Variants in PNLIPRP3 observed in about 807,000 individuals in gnomAD.
The protein encoded by PNLIPRP3 is pancreatic lipase-related protein 3.
In PNLIPRP3, 58 loss-of-function variants were observed where a neutral mutation model predicts 52.8. The ratio of observed to expected loss-of-function variants is 1.10; its 90% CI spans 0.89 to 1.37. The LOEUF (loss-of-function observed/expected upper bound fraction) is 1.37. Among genes scored for constraint, PNLIPRP3 ranks in the 40% most tolerant of loss-of-function variants. The probability of loss-of-function intolerance (pLI) is 0.00; values close to 1 mark genes in which losing one functional copy is unlikely to be tolerated. For synonymous variants in PNLIPRP3, 192 were observed against 185.0 expected (o/e 1.04, Z -0.31); for missense variants, 593 against 561.6 (o/e 1.06, Z -0.57).
At chr10:116,463,893 G>C (rs1846236654) in intron 7 of PNLIPRP3, among the ~76,000 whole-genome samples, 1 of 152,150 alleles carries the variant, frequency 6.6e-6, no homozygotes, top group Non-Finnish European at 1.5e-5. Flanking sequence ...CCAGCACTTT[G>C]AGAGGCTGAG....
chr10:116,439,898 TC>T, intron 2 of PNLIPRP3: 1 of 822,124 alleles, frequency 1.2e-6, no homozygotes, highest in Non-Finnish European at 2.2e-6. Flanking sequence ...GACATTATCT[TC>T]CACCTCTCAG....
chr10:116,438,492 A>C (rs1845809495), intron 2 of PNLIPRP3, among the ~76,000 whole-genome samples: 1 of 152,198 alleles, frequency 6.6e-6, no homozygotes, highest in African/African-American at 2.4e-5. Flanking sequence ...CACCAGACAC[A>C]CATACATATG....
At chr10:116,455,579 G>A in intron 4 of PNLIPRP3, 143 bp from the exon 5 acceptor site, 1 of 628,574 alleles carries the variant, frequency 1.6e-6, no homozygotes, top group Non-Finnish European at 2.8e-6. Context: ...AGGCAGAGGT[G>A]TCACTTTGTG....
chr10:116,447,453 G>A (rs754670850), intron 4 of PNLIPRP3, among the ~76,000 whole-genome samples: 9 of 152,084 alleles, frequency 5.9e-5, no homozygotes, highest in Non-Finnish European at 1.2e-4. Context: ...CAAAGAAACA[G>A]ATTCATCTCC....
intron 10 of PNLIPRP3, among the ~76,000 whole-genome samples, chr10:116,472,223 G>A (rs1846385285): frequency 6.6e-6 from 1 of 151,968 alleles, no homozygotes; most frequent in African/African-American, 2.4e-5. Flanking sequence ...ATTTTTATTT[G>A]TGTCAGTAAC....
intron 10 of PNLIPRP3, among the ~76,000 whole-genome samples, chr10:116,475,123 G>T (rs1394781619): frequency 6.6e-6 from 1 of 152,214 alleles, no homozygotes; most frequent in Non-Finnish European, 1.5e-5. Context: ...ATGAGATCAT[G>T]TCCTTTGCAG....
At chr10:116,429,762 A>G (rs1486364138) in intron 1 of PNLIPRP3, among the ~76,000 whole-genome samples, 1 of 152,198 alleles carries the variant, frequency 6.6e-6, no homozygotes, top group Non-Finnish European at 1.5e-5. Context: ...CTGAGATGAT[A>G]TTTAAAGCCA....
chr10:116,435,187 A>C (rs1845757735), intron 1 of PNLIPRP3, among the ~76,000 whole-genome samples: 1 of 152,196 alleles, frequency 6.6e-6, no homozygotes, highest in Non-Finnish European at 1.5e-5. Context: ...AACTTTTTGG[A>C]GTCAGCATGC....
At position 116,450,912 on chromosome 10, in the gene PNLIPRP3, G is replaced by GA. The variant is rs1190617900; in HGVS notation, c.457-4810_457-4809insA. The stretch of plus-strand genomic sequence containing the variant: ...CGTAATACCTATCAAAATTCCAGTG[G>GA]CCTTTTTTTTAACAGAAATAGTAAA... On this transcript the variant is annotated intron_variant, in intron 4 of 11. Coordinates refer to ENST00000369230, the MANE Select transcript of PNLIPRP3 (RefSeq NM_001011709.3). 6.6e-5 allele frequency among the ~76,000 whole-genome samples: 3 copies of GA among 45,186 alleles called. No individual in the cohort carries two copies. The East Asian group carries it at 1.2e-3, about 19-fold the overall frequency. The allele number at this position is 45,186 out of a possible 152,430, so 29.6% of individuals were successfully genotyped here.
intron 9 of PNLIPRP3, 33 bp from the exon 10 acceptor site, chr10:116,471,735 C>G: frequency 1.3e-6 from 2 of 1,495,030 alleles, no homozygotes; most frequent in Non-Finnish European, 1.9e-6. Context: ...TTAACCCTTT[C>G]TCTCCCTTTC....
chr10:116,455,962 A>C, intron 5 of PNLIPRP3, 132 bp downstream of exon 5: 1 of 707,842 alleles, frequency 1.4e-6, no homozygotes, highest in Non-Finnish European at 2.4e-6. Flanking sequence ...AATGAAATAA[A>C]ACGTGAACGT....
chr10:116,446,438 T>C (rs1845953217), intron 4 of PNLIPRP3, among the ~76,000 whole-genome samples: 1 of 151,336 alleles, frequency 6.6e-6, no homozygotes, highest in African/African-American at 2.4e-5. Flanking sequence ...GTTATTCACA[T>C]ATGTAAATGA....
chr10:116,431,000 G>A (rs962003505), intron 1 of PNLIPRP3, among the ~76,000 whole-genome samples: 11 of 152,210 alleles, frequency 7.2e-5, no homozygotes, highest in South Asian at 4.1e-4. Flanking sequence ...AAATCTGTTC[G>A]TCTCAAAGTT....
intron 2 of PNLIPRP3, among the ~76,000 whole-genome samples, chr10:116,438,123 A>G (rs1340022596): frequency 6.6e-6 from 1 of 152,182 alleles, no homozygotes; most frequent in African/African-American, 2.4e-5. Flanking sequence ...GATTCTGGAT[A>G]GGTGGGGCTT....
intron 4 of PNLIPRP3, among the ~76,000 whole-genome samples, chr10:116,446,091 A>C (rs1845945007): frequency 6.6e-6 from 1 of 152,172 alleles, no homozygotes; most frequent in South Asian, 2.1e-4. Context: ...TAATGCCTGT[A>C]ATCCCAGCAC....
chr10:116,461,326 A>G lies in PNLIPRP3; in HGVS notation c.808+36A>G, dbSNP rs1224255755. The G allele has an allele frequency of 2.5e-6, 4 of 1,596,020 alleles. No homozygotes were observed. In the East Asian group the frequency reaches 8.9e-5, roughly 36 times the overall value. ...TCTAAACTATGAATGCTACTGATGC[A>G]TATTCACTTAGCTCTCTCCTTAGAT... On this transcript the variant is annotated intron_variant, in intron 7 of 11. Coordinates refer to ENST00000369230, the MANE Select transcript of PNLIPRP3 (RefSeq NM_001011709.3).
intron 2 of PNLIPRP3, among the ~76,000 whole-genome samples, chr10:116,440,253 C>G (rs1043193234): frequency 2.0e-5 from 3 of 152,108 alleles, no homozygotes; most frequent in African/African-American, 7.2e-5. Context: ...TGGCCATGCA[C>G]TTGAATTCTG....
intron 2 of PNLIPRP3, among the ~76,000 whole-genome samples, chr10:116,437,547 G>C (rs2133113459): frequency 6.6e-6 from 1 of 152,294 alleles, no homozygotes; most frequent in East Asian, 1.9e-4. Context: ...AGGTTAGTTA[G>C]AAAAGTAGTT....
intron 4 of PNLIPRP3, among the ~76,000 whole-genome samples, chr10:116,448,455 A>G (rs962214699): frequency 6.6e-6 from 1 of 152,170 alleles, no homozygotes; most frequent in African/African-American, 2.4e-5. Context: ...ATCAAAGTAT[A>G]TTAACACAAA....
Sources: gnomAD v4.1 joint callset for allele counts (sites outside exome capture counted in the v4.1 genomes callset) on GRCh38, gnomAD v4.1.1 for gene constraint, MANE v1.5 for transcripts, NCBI Gene and HGNC (gene_info 2026-07-23, HGNC 2026-07-21) for gene names.